DNAJC13: variants seen among roughly 807,000 people sequenced by gnomAD.
DNAJC13 encodes the protein dnaJ homolog subfamily C member 13.
DNAJC13 carries 75 observed loss-of-function variants against 290.5 expected under a neutral mutation model. The observed-to-expected ratio is 0.26, with a 90% CI of 0.21 to 0.31. The LOEUF is 0.31. DNAJC13 is among the 10% of genes least tolerant of loss of function. The pLI is 1.00. For missense variants in DNAJC13, 2,260 were observed against 2,674.5 expected (o/e 0.85, Z 3.42); for synonymous variants, 862 against 892.0 (o/e 0.97, Z 0.60).
At chr3:132,452,611 CTT>C (rs146023785) in intron 6 of DNAJC13, among the ~76,000 whole-genome samples, 3,863 of 152,238 alleles carry the variant, frequency 0.025, 125 homozygotes, top group African/African-American at 0.074. Flanking sequence ...AAATCGGAAA[CTT>C]TTTGAGTGCC....
intron 32 of DNAJC13, among the ~76,000 whole-genome samples, chr3:132,491,253 A>G (rs775393514): frequency 2.6e-5 from 4 of 152,164 alleles, no homozygotes; most frequent in Non-Finnish European, 2.9e-5. Flanking sequence ...CAAAATTGCT[A>G]TTACCTTAAT....
chr3:132,473,068 G>T (rs1467296322), intron 20 of DNAJC13, 77 bp from the exon 21 acceptor site: 5 of 909,038 alleles, frequency 5.5e-6, no homozygotes, highest in African/African-American at 1.7e-5. Context: ...TTCTCATCAC[G>T]TATAAATTGA....
chr3:132,435,213 T>C (rs1332832971), intron 2 of DNAJC13, among the ~76,000 whole-genome samples: 1 of 152,204 alleles, frequency 6.6e-6, no homozygotes, highest in African/African-American at 2.4e-5. Context: ...TGAAGTGATA[T>C]GGCATGTATG....
At chr3:132,513,151 G>A (rs1935829336) in intron 45 of DNAJC13, 52 bp downstream of exon 45, 3 of 1,420,172 alleles carry the variant, frequency 2.1e-6, no homozygotes, top group South Asian at 1.1e-5. Flanking sequence ...CTTACCATGT[G>A]TAATTTGAGT....
At chr3:132,428,207 A>G (rs768166707) in intron 1 of DNAJC13, among the ~76,000 whole-genome samples, 1 of 152,044 alleles carries the variant, frequency 6.6e-6, no homozygotes, top group Non-Finnish European at 1.5e-5. Flanking sequence ...TAGTTGGTAC[A>G]TTTTCTGATC....
chr3:132,477,415 TC>T (rs1356917308), intron 22 of DNAJC13, among the ~76,000 whole-genome samples: 1 of 152,210 alleles, frequency 6.6e-6, no homozygotes, highest in East Asian at 1.9e-4. Context: ...GTCTGGCACA[TC>T]ACCAGGGATA....
chr3:132,499,429 CAA>C, intron 37 of DNAJC13, 119 bp downstream of exon 37: 1 of 880,434 alleles, frequency 1.1e-6, no homozygotes. Flanking sequence ...GCAGATAACA[CAA>C]TATTTTCCAT....
intron 1 of DNAJC13, among the ~76,000 whole-genome samples, chr3:132,431,240 G>A (rs1325193539): frequency 6.6e-6 from 1 of 152,130 alleles, no homozygotes; most frequent in Non-Finnish European, 1.5e-5. Flanking sequence ...ACAATAGTGA[G>A]CTGAACAGAC....
rs559850519 is a variant in DNAJC13 at position 132,440,135 on chromosome 3, T to C, written c.68+5517T>C. ...TATCTGGTGTGGTGGCGCAGGCCTGTAGTTCCAGCTACTCAGGAGGCTGAG... is the reference window on the plus strand; with the variant it reads ...TATCTGGTGTGGTGGCGCAGGCCTGCAGTTCCAGCTACTCAGGAGGCTGAG... On this transcript the variant is annotated intron_variant, in intron 2 of 55. Transcript: ENST00000260818. Among the ~76,000 whole-genome samples the C allele has an allele frequency of 1.8e-4, 27 of 152,312 alleles. No individual in the cohort carries two copies. In the South Asian group the frequency reaches 5.6e-3, roughly 32 times the overall value.
intron 1 of DNAJC13, among the ~76,000 whole-genome samples, chr3:132,424,284 C>A (rs1939036581): frequency 6.6e-6 from 1 of 152,080 alleles, no homozygotes; most frequent in Non-Finnish European, 1.5e-5. Flanking sequence ...AACAGATAAA[C>A]TTCTGTTTTG....
Position 132,531,138 on chromosome 3 carries a change from A to G in DNAJC13, c.6625+41A>G. On this transcript the variant is annotated intron_variant, in intron 55 of 55. Transcript: ENST00000260818. ...TTGGTTATTGTAAGACACCTGGCAG[A>G]AGCCACTTGGACCTTCCTTTTGCCC... 1.9e-6 allele frequency: 3 copies of G among 1,563,396 alleles called. No individual in the cohort carries two copies. The South Asian group carries it at 3.3e-5, about 17-fold the overall frequency.
At chr3:132,435,548 T>C (rs1414094787) in intron 2 of DNAJC13, among the ~76,000 whole-genome samples, 1 of 152,220 alleles carries the variant, frequency 6.6e-6, no homozygotes, top group Non-Finnish European at 1.5e-5. Context: ...AAGATTTGAA[T>C]ATTTGATTTT....
At chr3:132,528,418 C>T in intron 54 of DNAJC13, 86 bp downstream of exon 54, 1 of 1,495,944 alleles carries the variant, frequency 6.7e-7, no homozygotes, top group Non-Finnish European at 9.1e-7. Context: ...TCAAGTTCCA[C>T]TTACAGATAT....
chr3:132,528,097 C>A, intron 53 of DNAJC13, 92 bp from the exon 54 acceptor site: 1 of 1,419,894 alleles, frequency 7.0e-7, no homozygotes, highest in Non-Finnish European at 9.7e-7. Flanking sequence ...CAACAGGCTG[C>A]CTTCCAGGTA....
intron 38 of DNAJC13, among the ~76,000 whole-genome samples, 195 bp downstream of exon 38, chr3:132,500,003 A>T (rs1935360435): frequency 6.6e-6 from 1 of 152,196 alleles, no homozygotes; most frequent in Non-Finnish European, 1.5e-5. Context: ...AGTGTCATTG[A>T]TGCTGCTGGT....
At chr3:132,506,045 CTTTTTTTTTTTTT>C (rs573857472) in intron 42 of DNAJC13, among the ~76,000 whole-genome samples, 1 of 72,648 alleles carries the variant, frequency 1.4e-5, no homozygotes, top group Non-Finnish European at 2.7e-5. Flanking sequence ...TGTACATTAT[CTTTTTTTTTTTTT>C]TTTTTTTTTT....
At chr3:132,418,948 A>G (rs1020024217) in intron 1 of DNAJC13, among the ~76,000 whole-genome samples, 1 of 152,232 alleles carries the variant, frequency 6.6e-6, no homozygotes, top group African/African-American at 2.4e-5. Context: ...CTTGTCAGAA[A>G]TTCGGTATCC....
At chr3:132,522,710 G>T in intron 48 of DNAJC13, 118 bp from the exon 49 acceptor site, 1 of 818,104 alleles carries the variant, frequency 1.2e-6, no homozygotes. Flanking sequence ...TAATGGTTAT[G>T]GCCCACATAA....
chr3:132,457,286 G>A lies in DNAJC13; in HGVS notation c.1367G>A (p.Gly456Glu). ...TCCAAAAGGTTTCGCGAGCGTCTAG[G>A]GGTGAAGGTAGTAAAAGCACTCAAA... Reference protein sequence around the residue: ...TQLPKFRERLGVKVVKALKRS... With the variant: ...TQLPKFRERLEVKVVKALKRS... Residue 456 changes from glycine to glutamate, a missense_variant, in exon 13 of 56, where the codon GGG becomes GAG. Gly to Glu is a moderately conservative substitution (Grantham distance 98). Around this residue, in one of 3 missense-constraint regions of DNAJC13, gnomAD observed 762 missense variants for 964.1 expected, o/e 0.79. Transcript: ENST00000260818. The A allele has an allele frequency of 6.2e-7, 1 of 1,611,440 alleles. No homozygotes were observed. The highest frequency in any genetic ancestry group is 2.2e-5 in the East Asian group (1 of 44,844).
Sources: gnomAD v4.1 joint callset for allele counts (sites outside exome capture counted in the v4.1 genomes callset) on GRCh38, gnomAD v4.1.1 for gene constraint, gnomAD v4.1.1 regional missense constraint, MANE v1.5 for transcripts, NCBI Gene and HGNC (gene_info 2026-07-23, HGNC 2026-07-21) for gene names.